DTWD1: variants seen among roughly 807,000 people sequenced by gnomAD.
The protein encoded by DTWD1 is tRNA-uridine aminocarboxypropyltransferase 1.
DTWD1 carries 27 observed loss-of-function variants against 30.2 expected under a neutral mutation model. The observed-to-expected ratio is 0.90, with a 90% CI of 0.66 to 1.23. DTWD1 has a LOEUF of 1.23. DTWD1 is among the 50% of genes most tolerant of loss of function. DTWD1 has a pLI of 0.00. For missense variants in DTWD1, 342 were observed against 348.8 expected, an observed-to-expected ratio of 0.98 and a Z score of 0.15; for synonymous variants, 99 against 113.1, an observed-to-expected ratio of 0.88 and a Z score of 0.79.
At chr15:49,641,619 T>C (rs1053972681) in intron 4 of DTWD1, among the ~76,000 whole-genome samples, 5 of 152,126 alleles carry the variant, frequency 3.3e-5, no homozygotes, top group Non-Finnish European at 7.4e-5. Flanking sequence ...TTTGGTCTCT[T>C]GTTGGCGTAT....
Position 49,646,109 on chromosome 15 carries a change from A to G in DTWD1, c.*2531A>G, listed in dbSNP as rs2079116765. 1 of 152,250 alleles carries G rather than the reference A, an allele frequency of 6.6e-6. No individual in the cohort carries two copies. The highest frequency in any genetic ancestry group is 2.4e-5 in the African/African-American group (1 of 41,476). The allele number at this position is 152,250 out of a possible 1,614,324, so 9.4% of individuals were successfully genotyped here. A position where few individuals can be genotyped will look rare whatever the true frequency, so the allele number is the denominator to read the frequency against. ...GCTGGAGCATGAGACTCCATGGAAC[A>G]GAGCCAGGTTGCCCTGGTCACCCTC... On this transcript the variant is annotated 3_prime_UTR_variant, in exon 5 of 5. Transcript: ENST00000403028.
At position 49,643,761 on chromosome 15, in the gene DTWD1, A is replaced by T. The variant is rs1211721263; in HGVS notation, c.*183A>T. 1 of 578,050 alleles carries T rather than the reference A, an allele frequency of 1.7e-6. No homozygotes were observed. The highest frequency in any genetic ancestry group is 1.9e-5 in the African/African-American group (1 of 51,616). 35.8% of individuals were successfully genotyped at this position (578,050 alleles called of 1,614,324 possible). ...TTGTATCTGGGGGAATTTTTCAGAG[A>T]TACTGTTGATTGAAAAACTTACTTC... On this transcript the variant is annotated 3_prime_UTR_variant, in exon 5 of 5. Transcript: ENST00000403028.
chr15:49,629,894 G>C (rs2078895973), intron 2 of DTWD1: 1 of 152,154 alleles, frequency 6.6e-6, no homozygotes, highest in African/African-American at 2.4e-5. Flanking sequence ...GAATTCATTT[G>C]TAGGCCAAGG....
intron 1 of DTWD1, among the ~76,000 whole-genome samples, chr15:49,624,626 G>A (rs568323679): frequency 2.3e-4 from 35 of 152,108 alleles, no homozygotes; most frequent in Non-Finnish European, 4.4e-4. Context: ...TATTGGATAT[G>A]AAGTTTTATA....
chr15:49,627,016 T>G (rs959145625), intron 2 of DTWD1: 19 of 209,522 alleles, frequency 9.1e-5, no homozygotes, highest in Non-Finnish European at 1.8e-4. Context: ...AAAGAAGGGA[T>G]TCCATTAAAA....
At position 49,647,662 on chromosome 15, in the gene DTWD1, C is replaced by T. The variant is rs1449201744; in HGVS notation, c.*4084C>T. ...TTTAACCAAACACTTACTGACCCTA[C>T]ATTGAAGGCCACCAGCCAAAAATCA... is the stretch of plus-strand genomic sequence containing the variant. On this transcript the variant is annotated 3_prime_UTR_variant, in exon 5 of 5. Coordinates refer to ENST00000403028, the MANE Select transcript of DTWD1 (RefSeq NM_001144955.2). 1 of 152,076 alleles carries T rather than the reference C, an allele frequency of 6.6e-6. No individual in the cohort carries two copies. Among genetic ancestry groups the T allele is most frequent in the Admixed American group, 6.6e-5 (1 of 15,254 alleles). 9.4% of individuals were successfully genotyped at this position (152,076 alleles called of 1,614,324 possible).
At chr15:49,642,810 C>T (rs926741034) in intron 4 of DTWD1, among the ~76,000 whole-genome samples, 10 of 151,914 alleles carry the variant, frequency 6.6e-5, no homozygotes, top group African/African-American at 2.4e-4. Context: ...ACATGTAGTC[C>T]CAGCTATTTG....
intron 4 of DTWD1, among the ~76,000 whole-genome samples, chr15:49,640,950 G>T (rs944150212): frequency 5.9e-5 from 9 of 151,928 alleles, no homozygotes; most frequent in African/African-American, 2.2e-4. Context: ...ATACTATGTG[G>T]CTAATGATTT....
intron 2 of DTWD1, among the ~76,000 whole-genome samples, chr15:49,627,106 G>T (rs1331985746): frequency 1.7e-4 from 26 of 152,006 alleles, no homozygotes; most frequent in Admixed American, 1.6e-3. Context: ...TTACAGGGCT[G>T]ATATTTTCAT....
rs2079154491 is a variant in DTWD1, at chr15:49,651,909, TG to T, written c.*8333del. 6.6e-6 allele frequency: 1 copy of T among 152,090 alleles called. No homozygotes were observed. The highest frequency in any genetic ancestry group is 2.1e-4 in the South Asian group (1 of 4,822). The allele number at this position is 152,090 out of a possible 1,614,324, so 9.4% of individuals were successfully genotyped here. A position where few individuals can be genotyped will look rare whatever the true frequency, so the allele number is the denominator to read the frequency against. ...GGAATTTGTCAGCTTGATAGAACATTGGAACAACCTGCTGAAGGTACAGCTG... is the reference window on the plus strand; with the variant it reads ...GGAATTTGTCAGCTTGATAGAACATTGAACAACCTGCTGAAGGTACAGCTG... On this transcript the variant is annotated 3_prime_UTR_variant, in exon 5 of 5. Transcript: ENST00000403028.
intron 4 of DTWD1, among the ~76,000 whole-genome samples, chr15:49,640,736 A>T (rs1344548102): frequency 6.6e-6 from 1 of 151,968 alleles, no homozygotes; most frequent in African/African-American, 2.4e-5. Context: ...ATTCTGTGAA[A>T]TATCTATGCC....
intron 4 of DTWD1, among the ~76,000 whole-genome samples, chr15:49,637,557 A>G (rs1446838995): frequency 1.3e-5 from 2 of 152,200 alleles, no homozygotes; most frequent in Admixed American, 6.5e-5. Context: ...AGATAGTTCC[A>G]ATTCATATTT....
rs1011840553 is a variant in DTWD1, at chr15:49,644,919, T to C, written c.*1341T>C. ...TCAAATGTCCCCACTTGAAATAGCC[T>C]TCTATTTCTTTTGGGGACTCTGATA... On this transcript the variant is annotated 3_prime_UTR_variant, in exon 5 of 5. Transcript: ENST00000403028. The C allele has an allele frequency of 3.3e-5, 5 of 152,194 alleles. No homozygotes were observed. The allele number at this position is 152,194 out of a possible 1,614,324, so 9.4% of individuals were successfully genotyped here.
rs956003937 is a variant in DTWD1 at position 49,633,715 on chromosome 15, G to A, written c.409-821G>A. 1.5e-5 allele frequency: 3 copies of A among 196,992 alleles called. No homozygotes were observed. In the Admixed American group the frequency reaches 1.9e-4, roughly 12 times the overall value. 12.2% of individuals were successfully genotyped at this position (196,992 alleles called of 1,614,324 possible). On this transcript the variant is annotated intron_variant, in intron 3 of 4. Coordinates refer to ENST00000403028, the MANE Select transcript of DTWD1 (RefSeq NM_001144955.2). Reference sequence around the variant, plus strand: ...TTTAAAAATTTGTGTGCTCATTGAAGAAAATTTGGGAAATAGAGAAACATA... The same window carrying A: ...TTTAAAAATTTGTGTGCTCATTGAAAAAAATTTGGGAAATAGAGAAACATA...
In DTWD1 at chr15:49,655,954, T is replaced by A. The variant is rs2079174486; in HGVS notation, c.*12376T>A. On this transcript the variant is annotated 3_prime_UTR_variant, in exon 5 of 5. Coordinates refer to ENST00000403028, the MANE Select transcript of DTWD1 (RefSeq NM_001144955.2). ...TTAATACTACATTTTAGTATGAATA[T>A]AAGTTAAACTTAGAGGTGATATCTA... The A allele has an allele frequency of 6.6e-6, 1 of 152,138 alleles. No individual in the cohort carries two copies. The highest frequency in any genetic ancestry group is 2.1e-4 in the South Asian group (1 of 4,832). The allele number at this position is 152,138 out of a possible 1,614,324, so 9.4% of individuals were successfully genotyped here.
intron 4 of DTWD1, among the ~76,000 whole-genome samples, chr15:49,638,982 C>G (rs1432006900): frequency 6.6e-6 from 1 of 152,054 alleles, no homozygotes; most frequent in East Asian, 1.9e-4. Context: ...ATTTAAATGG[C>G]ATTATACTGT....
At chr15:49,636,102 T>C (rs1278743882) in intron 4 of DTWD1, among the ~76,000 whole-genome samples, 3 of 152,188 alleles carry the variant, frequency 2.0e-5, no homozygotes, top group Admixed American at 6.5e-5. Flanking sequence ...TAGTATGTAC[T>C]CTTTTCCTTT....
intron 3 of DTWD1, 114 bp from the exon 4 acceptor site, chr15:49,634,422 A>G: frequency 8.2e-7 from 1 of 1,221,942 alleles, no homozygotes; most frequent in Non-Finnish European, 1.1e-6. Context: ...GAACCAACCT[A>G]ATGCTTATTT....
chr15:49,628,997 C>A (rs185394649), intron 2 of DTWD1, among the ~76,000 whole-genome samples: 1 of 152,110 alleles, frequency 6.6e-6, no homozygotes, highest in Non-Finnish European at 1.5e-5. Context: ...GCTCCCCACC[C>A]CCAGACGGGC....
Sources: gnomAD v4.1 joint callset for allele counts (sites outside exome capture counted in the v4.1 genomes callset) on GRCh38, gnomAD v4.1.1 for gene constraint, MANE v1.5 for transcripts, NCBI Gene and HGNC (gene_info 2026-07-23, HGNC 2026-07-21) for gene names.